The following PVT1 variants were observed in gnomAD, a reference collection of about 807,000 sequenced individuals.
PVT1 encodes Pvt1 oncogene, also known as CXCR4/PVT1 fusion.
intron 4 of PVT1, among the ~76,000 whole-genome samples, chr8:128,043,044 G>A (rs1986489): frequency 0.32 from 48,039 of 151,926 alleles, 7,901 homozygotes; most frequent in East Asian, 0.49. Flanking sequence ...GATCACAGGC[G>A]TGAGCCACTG....
intron 2 of PVT1, among the ~76,000 whole-genome samples, chr8:127,862,146 GC>G (rs1265748004): frequency 6.6e-6 from 1 of 152,134 alleles, no homozygotes; most frequent in Non-Finnish European, 1.5e-5. Flanking sequence ...GTTGGCTCAC[GC>G]CTGTAATCCC....
At chr8:127,875,702 G>A (rs1050696785) in intron 2 of PVT1, among the ~76,000 whole-genome samples, 5 of 152,148 alleles carry the variant, frequency 3.3e-5, no homozygotes, top group Non-Finnish European at 7.3e-5. Flanking sequence ...CAGTGACCTT[G>A]GACAAGGCAC....
intron 2 of PVT1, among the ~76,000 whole-genome samples, chr8:127,840,516 G>A (rs1426184721): frequency 3.3e-5 from 5 of 152,238 alleles, no homozygotes; most frequent in South Asian, 2.1e-4. Flanking sequence ...TTTACAGGCC[G>A]TCCTGGGCAA....
At chr8:128,016,747 A>G (rs1330030427) in intron 4 of PVT1, among the ~76,000 whole-genome samples, 1 of 152,236 alleles carries the variant, frequency 6.6e-6, no homozygotes, top group Non-Finnish European at 1.5e-5. Flanking sequence ...TAAGCTACCC[A>G]GGTGACACGA....
chr8:128,087,639 A>T (rs779621475), intron 5 of PVT1, among the ~76,000 whole-genome samples: 1 of 151,088 alleles, frequency 6.6e-6, no homozygotes, highest in Non-Finnish European at 1.5e-5. Flanking sequence ...TGCCAGGGCT[A>T]TGCCTCCTAT....
intron 2 of PVT1, among the ~76,000 whole-genome samples, chr8:127,851,488 G>A (rs1815106796): frequency 6.6e-6 from 1 of 152,142 alleles, no homozygotes; most frequent in Admixed American, 6.5e-5. Context: ...CTTTTGGTGA[G>A]CAAGTGAGAT....
intron 2 of PVT1, among the ~76,000 whole-genome samples, chr8:127,823,481 C>T (rs868775429): frequency 5.3e-5 from 8 of 152,062 alleles, no homozygotes; most frequent in South Asian, 2.1e-4. Context: ...ATCCAGATTC[C>T]CCTGCCCTTT....
intron 4 of PVT1, among the ~76,000 whole-genome samples, chr8:128,009,976 T>C (rs1229376126): frequency 6.6e-6 from 1 of 152,166 alleles, no homozygotes; most frequent in Non-Finnish European, 1.5e-5. Context: ...TTTCTGAGGC[T>C]GAACAGCAAG....
At chr8:127,883,333 G>A (rs371374080) in intron 2 of PVT1, among the ~76,000 whole-genome samples, 1 of 152,302 alleles carries the variant, frequency 6.6e-6, no homozygotes, top group Admixed American at 6.5e-5. Context: ...CCTATATTGA[G>A]GGGGAGTGGA....
intron 3 of PVT1, among the ~76,000 whole-genome samples, chr8:127,934,186 G>A (rs1762293477): frequency 6.6e-6 from 1 of 152,304 alleles, no homozygotes; most frequent in South Asian, 2.1e-4. Context: ...GTAGTTGGTT[G>A]GGCATTTTAT....
chr8:128,051,811 G>A (rs865781301), intron 4 of PVT1, among the ~76,000 whole-genome samples: 1 of 151,858 alleles, frequency 6.6e-6, no homozygotes, highest in African/African-American at 2.4e-5. Flanking sequence ...ATCTCTCTTT[G>A]TTGAACTTCT....
intron 3 of PVT1, chr8:127,948,602 T>G (rs981232906): frequency 2.6e-4 from 39 of 152,678 alleles, no homozygotes; most frequent in African/African-American, 9.2e-4. Context: ...TACAGTTAAC[T>G]GAGCTCACGT....
intron 2 of PVT1, among the ~76,000 whole-genome samples, chr8:127,875,145 T>G (rs1156533834): frequency 6.6e-6 from 1 of 152,214 alleles, no homozygotes. Flanking sequence ...ATTTTGGTTT[T>G]AACTCTTTCC....
chr8:127,798,536 G>A (rs1019785106), intron 2 of PVT1, among the ~76,000 whole-genome samples: 3 of 151,812 alleles, frequency 2.0e-5, no homozygotes, highest in African/African-American at 7.3e-5. Flanking sequence ...GGCTGTGGGT[G>A]TGGGCAGGAG....
intron 4 of PVT1, among the ~76,000 whole-genome samples, chr8:128,008,735 C>T (rs988849521): frequency 3.3e-5 from 5 of 152,190 alleles, no homozygotes; most frequent in African/African-American, 1.2e-4. Context: ...CAATCCCTGA[C>T]CATGCTGGGC....
chr8:128,015,438 A>T (rs1234124010), intron 4 of PVT1, among the ~76,000 whole-genome samples: 1 of 152,038 alleles, frequency 6.6e-6, no homozygotes, highest in African/African-American at 2.4e-5. Flanking sequence ...TAACAAATAA[A>T]CCTCAGTATT....
rs75233862 is a variant in PVT1, at chr8:127,810,753, G to A, written n.372+14682G>A. ...CATAGTGAGAGAATCAGCCAGCCAG[G>A]GAAATGGGACAGGATTTTGTCTCTT... is the stretch of plus-strand genomic sequence containing the variant. On this transcript the variant is annotated intron_variant and non_coding_transcript_variant, in intron 2 of 10. Coordinates refer to ENST00000651587, the Ensembl canonical transcript of PVT1. 8.2e-3 allele frequency among the ~76,000 whole-genome samples: 1,242 copies of A among 152,212 alleles called. 22 individuals are homozygous for A. Among genetic ancestry groups the A allele is most frequent in the African/African-American group, 0.027 (1,140 of 41,524 alleles).
chr8:128,041,985 A>G lies in PVT1; in HGVS notation n.913-28175A>G, dbSNP rs537083574. On this transcript the variant is annotated intron_variant and non_coding_transcript_variant, in intron 4 of 10. Transcript: ENST00000651587. ...CCTTCTCCTGTGTCAGAAATTGATT[A>G]TTCTGGCATCTTCCTTCCATGCCAT... Among the ~76,000 whole-genome samples the G allele has an allele frequency of 1.0e-3, 152 of 152,284 alleles. 2 individuals are homozygous for G. In the South Asian group the frequency reaches 0.014, roughly 14 times the overall value.
intron 2 of PVT1, among the ~76,000 whole-genome samples, chr8:127,887,517 ATTTAT>A (rs1210175470): frequency 6.6e-6 from 1 of 152,154 alleles, no homozygotes; most frequent in African/African-American, 2.4e-5. Flanking sequence ...ACACTGTCTT[ATTTAT>A]TTTATTTTAT....
Sources: gnomAD v4.1 joint callset for allele counts (sites outside exome capture counted in the v4.1 genomes callset) on GRCh38, gnomAD v4.1.1 for gene constraint, MANE v1.5 for transcripts, NCBI Gene and HGNC (gene_info 2026-07-23, HGNC 2026-07-21) for gene names.